Variants in RASGEF1B observed in about 807,000 individuals in gnomAD.
RASGEF1B encodes the protein RasGEF domain family member 1B, also known as ras-GEF domain-containing family member 1B.
In RASGEF1B, 30 loss-of-function variants were observed where a neutral mutation model predicts 65.7. The ratio of observed to expected loss-of-function variants is 0.46; its 90% CI spans 0.34 to 0.62. RASGEF1B has a LOEUF of 0.62. Among genes scored for constraint, RASGEF1B ranks in the 20% least tolerant of loss-of-function variants. The probability of loss-of-function intolerance (pLI) is 0.01; values close to 1 mark genes in which losing one functional copy is unlikely to be tolerated. For synonymous variants in RASGEF1B, 175 were observed against 194.8 expected (o/e 0.90, Z 0.85); for missense variants, 495 against 580.1 (o/e 0.85, Z 1.51).
rs991164062 is a variant in RASGEF1B, at chr4:81,461,403, T to C, written c.-6-1889A>G. Among the ~76,000 whole-genome samples, 3 of 152,224 alleles carry C rather than the reference T, an allele frequency of 2.0e-5. No homozygotes were observed. The South Asian group carries it at 6.2e-4, about 32-fold the overall frequency. On this transcript the variant is annotated intron_variant, in intron 1 of 13. Coordinates refer to ENST00000264400, the MANE Select transcript of RASGEF1B (RefSeq NM_152545.3). ...ACCACAGTGTCCTTCACATGCAGCA[T>C]GAGGAGTGTCATGCCCTTGGAATTG...
chr4:81,468,417 T>A (rs565685034), intron 1 of RASGEF1B, among the ~76,000 whole-genome samples: 24 of 152,322 alleles, frequency 1.6e-4, no homozygotes, highest in Non-Finnish European at 1.8e-4. Context: ...GTTAAACTAA[T>A]TTTCTAAGCA....
intron 13 of RASGEF1B, among the ~76,000 whole-genome samples, chr4:81,431,474 G>A (rs1250174921): frequency 1.3e-5 from 2 of 151,932 alleles, no homozygotes; most frequent in African/African-American, 2.4e-5. Flanking sequence ...TCATCACTGG[G>A]AGGTACAAAG....
intron 6 of RASGEF1B, among the ~76,000 whole-genome samples, chr4:81,447,029 C>T (rs1173943278): frequency 6.6e-6 from 1 of 152,162 alleles, no homozygotes; most frequent in African/African-American, 2.4e-5. Flanking sequence ...TAGTGGGCTG[C>T]ACCTAGGCAA....
At chr4:81,432,494 T>A in intron 12 of RASGEF1B, 123 bp from the exon 13 acceptor site, 1 of 577,958 alleles carries the variant, frequency 1.7e-6, no homozygotes, top group Non-Finnish European at 3.1e-6. Flanking sequence ...TATCAAGTCA[T>A]GACCAAGAAG....
At chr4:81,441,463 GAT>G (rs1444913363) in intron 9 of RASGEF1B, among the ~76,000 whole-genome samples, 11 of 151,964 alleles carry the variant, frequency 7.2e-5, no homozygotes, top group African/African-American at 2.2e-4. Context: ...TGTCTCCAAA[GAT>G]AGTAATTCGA....
At position 81,427,011 on chromosome 4, in the gene RASGEF1B, G is replaced by C. The variant is rs200151956; in HGVS notation, c.*757C>G. On this transcript the variant is annotated 3_prime_UTR_variant, in exon 14 of 14. Transcript: ENST00000264400. ...AAAAAAAAAAAAAAAAAAAAAAAAA[G>C]TCCTTCTAGCATGTTAAGCAGTCCA... The C allele has an allele frequency of 2.7e-5, 2 of 74,938 alleles. No homozygotes were observed. Among genetic ancestry groups the C allele is most frequent in the East Asian group, 8.9e-4 (2 of 2,252 alleles). 4.6% of individuals were successfully genotyped at this position (74,938 alleles called of 1,614,324 possible). A position where few individuals can be genotyped will look rare whatever the true frequency, so the allele number is the denominator to read the frequency against.
chr4:81,443,491 G>A lies in RASGEF1B; in HGVS notation c.929-1115C>T, dbSNP rs564990188. On this transcript the variant is annotated intron_variant, in intron 8 of 13. Coordinates refer to ENST00000264400, the MANE Select transcript of RASGEF1B (RefSeq NM_152545.3). ...AGTGGCTGCCTAAAACCAGAGATTC[G>A]TTTTGTCTGTCCTAGAACTTCGTAT... 5.9e-5 allele frequency among the ~76,000 whole-genome samples: 9 copies of A among 152,226 alleles called. No individual in the cohort carries two copies. In the South Asian group the frequency reaches 6.2e-4, roughly 11 times the overall value.
chr4:81,448,917 C>G (rs984945675), intron 4 of RASGEF1B, among the ~76,000 whole-genome samples: 1 of 152,116 alleles, frequency 6.6e-6, no homozygotes, highest in African/African-American at 2.4e-5. Context: ...CAGGTTCAAG[C>G]GATTCACCTG....
chr4:81,427,897 G>T, intron 13 of RASGEF1B, 105 bp from the exon 14 acceptor site: 1 of 1,184,450 alleles, frequency 8.4e-7, no homozygotes, highest in Non-Finnish European at 1.2e-6. Context: ...TGTGTTTTAA[G>T]TTTGATTTTA....
In RASGEF1B at chr4:81,427,062, T is replaced by C. The variant is rs1721252450; in HGVS notation, c.*706A>G. 1 of 152,512 alleles carries C rather than the reference T, an allele frequency of 6.6e-6. No homozygotes were observed. Among genetic ancestry groups the C allele is most frequent in the Non-Finnish European group, 1.5e-5 (1 of 68,012 alleles). The allele number at this position is 152,512 out of a possible 1,614,324, so 9.4% of individuals were successfully genotyped here. ...ATGACAAACTCTGCTTTTTATTTTC[T>C]TTCTAGTGGCTATTTTCCTACCACA... is the stretch of plus-strand genomic sequence containing the variant. On this transcript the variant is annotated 3_prime_UTR_variant, in exon 14 of 14. Coordinates refer to ENST00000264400, the MANE Select transcript of RASGEF1B (RefSeq NM_152545.3).
chr4:81,469,486 G>C (rs1722952412), intron 1 of RASGEF1B, among the ~76,000 whole-genome samples: 1 of 152,070 alleles, frequency 6.6e-6, no homozygotes, highest in South Asian at 2.1e-4. Context: ...TTTTTCCTTA[G>C]AAAGGTGTAT....
chr4:81,435,274 G>A (rs1341915002), intron 10 of RASGEF1B, among the ~76,000 whole-genome samples: 1 of 151,372 alleles, frequency 6.6e-6, no homozygotes, highest in African/African-American at 2.4e-5. Context: ...AGCCAGGTGT[G>A]GTGGCGGGCG....
At chr4:81,433,806 G>A in intron 12 of RASGEF1B, 34 bp downstream of exon 12, 3 of 1,606,962 alleles carry the variant, frequency 1.9e-6, no homozygotes, top group South Asian at 1.1e-5. Flanking sequence ...AGGATTTGGG[G>A]ATGCTAGTGG....
At chr4:81,429,759 C>G (rs1211172115) in intron 13 of RASGEF1B, among the ~76,000 whole-genome samples, 3 of 152,092 alleles carry the variant, frequency 2.0e-5, no homozygotes, top group African/African-American at 7.2e-5. Flanking sequence ...TGCCAGCACG[C>G]AGGACAGACT....
chr4:81,445,840 T>C lies in RASGEF1B; in HGVS notation c.730-2A>G. The C allele has an allele frequency of 1.2e-6, 2 of 1,611,128 alleles. No homozygotes were observed. Among genetic ancestry groups the C allele is most frequent in the Non-Finnish European group, 1.7e-6 (2 of 1,177,520 alleles). ...TTTCTTCCGTTCACTGTAGCAACTC[T>C]TTAGAGAAAACAAAGTAAACAGATG... On this transcript the variant is annotated splice_acceptor_variant, in intron 6 of 13. Transcript: ENST00000264400. LOFTEE classifies it high-confidence loss of function.
In RASGEF1B at chr4:81,448,142, G is replaced by A. The variant is rs1265718525; in HGVS notation, c.581C>T (p.Ser194Phe). ...RLTVLKTKPQSIQRDIITVCN... is the reference protein window; with the variant it reads ...RLTVLKTKPQFIQRDIITVCN... Reference sequence around the variant, plus strand: ...GACAGTAATGATATCCCTTTGTATAGACTGTGGCTTGGTCTTGAGAACTGT... The same window carrying A: ...GACAGTAATGATATCCCTTTGTATAAACTGTGGCTTGGTCTTGAGAACTGT... The change falls in exon 5 of 14, where the codon TCT becomes TTT. Residue 194 changes from serine (S) to phenylalanine (F), a missense_variant. Physicochemically the swap from Ser to Phe is radical, Grantham distance 155. Coordinates refer to ENST00000264400, the MANE Select transcript of RASGEF1B (RefSeq NM_152545.3). 5.6e-6 allele frequency: 9 copies of A among 1,614,186 alleles called. No individual in the cohort carries two copies. Among genetic ancestry groups the A allele is most frequent in the South Asian group, 3.3e-5 (3 of 91,086 alleles).
intron 13 of RASGEF1B, among the ~76,000 whole-genome samples, chr4:81,430,269 C>G (rs1721381573): frequency 6.6e-6 from 1 of 152,184 alleles, no homozygotes; most frequent in Non-Finnish European, 1.5e-5. Flanking sequence ...CCACTGCACT[C>G]CAGCCTGGGC....
chr4:81,433,760 A>C (rs1476834819), intron 12 of RASGEF1B, 80 bp downstream of exon 12: 1 of 1,467,086 alleles, frequency 6.8e-7, no homozygotes, highest in Non-Finnish European at 9.4e-7. Context: ...TTACTATATG[A>C]GTAACCAAGC....
At chr4:81,433,430 T>A (rs2109966079) in intron 12 of RASGEF1B, among the ~76,000 whole-genome samples, 1 of 152,260 alleles carries the variant, frequency 6.6e-6, no homozygotes, top group Admixed American at 6.5e-5. Flanking sequence ...TTTTAACAGG[T>A]CAAAATGTTC....
Sources: gnomAD v4.1 joint callset for allele counts (sites outside exome capture counted in the v4.1 genomes callset) on GRCh38, gnomAD v4.1.1 for gene constraint, MANE v1.5 for transcripts, NCBI Gene and HGNC (gene_info 2026-07-23, HGNC 2026-07-21) for gene names.